Variants in TOMM20 observed in about 807,000 individuals in gnomAD.
The protein encoded by TOMM20 is mitochondrial import receptor subunit TOM20 homolog.
TOMM20 carries 10 observed loss-of-function variants against 22.1 expected under a neutral mutation model. That is an observed-to-expected ratio of 0.45 (90% confidence interval 0.28 to 0.77). The LOEUF is 0.77. Ranked by LOEUF, TOMM20 falls within the 30% of genes least tolerant of loss-of-function variation. TOMM20 has a pLI of 0.13. For missense variants in TOMM20, 121 were observed against 172.2 expected (o/e 0.70, Z 1.66); for synonymous variants, 55 against 61.4 (o/e 0.90, Z 0.49).
At chr1:235,127,880 T>C (rs1373310162) in intron 1 of TOMM20, 3 of 519,004 alleles carry the variant, frequency 5.8e-6, no homozygotes, top group Admixed American at 1.9e-5. Flanking sequence ...TTCTATAGCA[T>C]TCACTCATAT....
chr1:235,125,070 C>T (rs2102813165), intron 1 of TOMM20, among the ~76,000 whole-genome samples: 1 of 152,302 alleles, frequency 6.6e-6, no homozygotes, highest in African/African-American at 2.4e-5. Context: ...TTCATTTACT[C>T]ATAATTTAGA....
At chr1:235,126,432 T>G (rs1418021887) in intron 1 of TOMM20, among the ~76,000 whole-genome samples, 2 of 151,498 alleles carry the variant, frequency 1.3e-5, no homozygotes, top group Non-Finnish European at 2.9e-5. Context: ...ACACCCAGCC[T>G]CAATTACCTG....
At position 235,113,996 on chromosome 1, in the gene TOMM20, C is replaced by T. The variant is rs1660785165; in HGVS notation, c.251-86G>A. 3.5e-6 allele frequency: 5 copies of T among 1,431,098 alleles called. No homozygotes were observed. In the South Asian group the frequency reaches 5.9e-5, roughly 17 times the overall value. The allele number at this position is 1,431,098 out of a possible 1,614,324, so 88.6% of individuals were successfully genotyped here. On this transcript the variant is annotated intron_variant, in intron 3 of 4. Transcript: ENST00000366607. ...CTTTACACACTATCTCCAAATGATGCTGACCAAAAACACTAAGCAAGTAAA... is the reference window on the plus strand; with the variant it reads ...CTTTACACACTATCTCCAAATGATGTTGACCAAAAACACTAAGCAAGTAAA...
intron 1 of TOMM20, among the ~76,000 whole-genome samples, chr1:235,124,534 AAAC>A (rs1364334318): frequency 1.3e-5 from 2 of 152,244 alleles, no homozygotes; most frequent in African/African-American, 4.8e-5. Flanking sequence ...ATTACCATCA[AAAC>A]AAAAGGCACC....
chr1:235,112,159 G>A (rs770170121), intron 4 of TOMM20, 51 bp from the exon 5 acceptor site: 17 of 1,376,658 alleles, frequency 1.2e-5, no homozygotes, highest in Non-Finnish European at 1.7e-5. Flanking sequence ...ATTTAATTAG[G>A]ATTCTAACTT....
chr1:235,117,846 T>C (rs755478288), intron 3 of TOMM20, among the ~76,000 whole-genome samples: 7 of 151,970 alleles, frequency 4.6e-5, no homozygotes, highest in Non-Finnish European at 7.4e-5. Context: ...GTGAGGACTA[T>C]GATTGTCCCA....
At chr1:235,120,376 G>GA (rs1467770313) in intron 2 of TOMM20, among the ~76,000 whole-genome samples, 1 of 151,814 alleles carries the variant, frequency 6.6e-6, no homozygotes, top group Non-Finnish European at 1.5e-5. Context: ...GGATTCAAGC[G>GA]ATTCTCCTGC....
chr1:235,113,392 G>A (rs1660773713), intron 4 of TOMM20, among the ~76,000 whole-genome samples: 2 of 152,162 alleles, frequency 1.3e-5, no homozygotes, highest in African/African-American at 4.8e-5. Flanking sequence ...GCCCGAATGT[G>A]TAGGCTATAG....
chr1:235,115,646 T>TA (rs943671418), intron 3 of TOMM20, among the ~76,000 whole-genome samples: 7 of 151,924 alleles, frequency 4.6e-5, no homozygotes, highest in Non-Finnish European at 1.0e-4. Context: ...TAAATAAAAA[T>TA]AAAAAAATAA....
chr1:235,120,628 G>A (rs1293760286), intron 2 of TOMM20, among the ~76,000 whole-genome samples: 1 of 151,802 alleles, frequency 6.6e-6, no homozygotes, highest in African/African-American at 2.4e-5. Context: ...CGCCCAGGCT[G>A]TAGTGCAGTA....
chr1:235,127,848 G>T (rs773252118), intron 1 of TOMM20: 1 of 519,162 alleles, frequency 1.9e-6, no homozygotes, highest in South Asian at 1.4e-5. Context: ...GAGAAGCGCA[G>T]CCCTTTGGAC....
At chr1:235,120,172 G>A (rs911031721) in intron 2 of TOMM20, among the ~76,000 whole-genome samples, 2 of 152,294 alleles carry the variant, frequency 1.3e-5, no homozygotes, top group East Asian at 1.9e-4. Context: ...TACCGTCTAC[G>A]CACGTTACAA....
intron 1 of TOMM20, among the ~76,000 whole-genome samples, chr1:235,125,461 C>T (rs1268637875): frequency 2.0e-5 from 3 of 151,938 alleles, no homozygotes; most frequent in South Asian, 4.2e-4. Flanking sequence ...GTGATCCGCC[C>T]GCCTCGGCCT....
intron 3 of TOMM20, among the ~76,000 whole-genome samples, chr1:235,115,633 A>C (rs1660815690): frequency 6.6e-6 from 1 of 152,164 alleles, no homozygotes; most frequent in Non-Finnish European, 1.5e-5. Flanking sequence ...TCTCAAAAAG[A>C]AATAAATAAA....
rs1346769263 is a variant in TOMM20 at position 235,112,106 on chromosome 1, T to C, written c.396A>G (p.Arg132=). ...LLTKLPTISQ[R]IVSAQSLAED... is the part of the protein sequence containing the mutation. The stretch of plus-strand genomic sequence containing the variant: ...CAGCCAAGCTCTGAGCACTTACAAT[T>C]CTCTGAAAGAAAAAAAAAATAATTT... Residue 132 remains arginine (R), a splice_region_variant and synonymous_variant, in exon 5 of 5, where the codon AGA becomes AGG. Coordinates refer to ENST00000366607, the MANE Select transcript of TOMM20 (RefSeq NM_014765.3). 1.9e-6 allele frequency: 3 copies of C among 1,602,694 alleles called. No homozygotes were observed. The highest frequency in any genetic ancestry group is 2.6e-6 in the Non-Finnish European group (3 of 1,175,762).
chr1:235,113,262 G>T (rs1660769926), intron 4 of TOMM20, among the ~76,000 whole-genome samples: 1 of 152,142 alleles, frequency 6.6e-6, no homozygotes, highest in Non-Finnish European at 1.5e-5. Flanking sequence ...GTAGGGATTT[G>T]GGGATGTCGT....
chr1:235,122,737 T>C (rs1014400774), intron 1 of TOMM20, among the ~76,000 whole-genome samples: 2 of 152,216 alleles, frequency 1.3e-5, no homozygotes, highest in Non-Finnish European at 2.9e-5. Flanking sequence ...TAGGGAGTTT[T>C]ATTACTGAAA....
intron 4 of TOMM20, among the ~76,000 whole-genome samples, chr1:235,112,864 T>C (rs936807666): frequency 1.1e-4 from 16 of 152,222 alleles, no homozygotes; most frequent in African/African-American, 3.9e-4. Flanking sequence ...ATGATTCCAG[T>C]ATGAATCCTC....
chr1:235,120,398 G>A (rs1007200984), intron 2 of TOMM20, among the ~76,000 whole-genome samples: 8 of 151,568 alleles, frequency 5.3e-5, no homozygotes, highest in African/African-American at 1.2e-4. Flanking sequence ...TCAGCCTCCC[G>A]AGTAGCTGGG....
Sources: allele counts gnomAD v4.1 joint callset (sites outside exome capture counted in the v4.1 genomes callset), GRCh38; gene constraint gnomAD v4.1.1; transcripts MANE v1.5; gene names NCBI Gene and HGNC (gene_info 2026-07-23, HGNC 2026-07-21).